Variants in FAM133A observed in about 807,000 individuals in gnomAD.
FAM133A encodes protein FAM133A.
For missense variants in FAM133A, 159 were observed against 164.4 expected, an observed-to-expected ratio of 0.97 and a Z score of 0.18; for synonymous variants, 65 against 58.6, an observed-to-expected ratio of 1.11 and a Z score of -0.50.
rs1035275050 is a variant in FAM133A, at chrX:93,685,183, C to T, written c.-193+10431C>T. 4.2e-4 allele frequency among the ~76,000 whole-genome samples: 47 copies of T among 111,221 alleles called. No homozygotes were observed. In the Admixed American group the frequency reaches 4.4e-3, roughly 10 times the overall value. On this transcript the variant is annotated intron_variant, in intron 2 of 3. Coordinates refer to ENST00000683942, the MANE Select transcript of FAM133A (RefSeq NM_001171109.2). ...ACTTCTATTCTTTTTCTTATTGACT[C>T]GTACAGCTGTTTTTAATGGAGAAAA...
At chrX:93,698,336 C>T (rs1926450337) in intron 2 of FAM133A, 61 bp from the exon 3 acceptor site, 1 of 111,765 alleles carries the variant, frequency 8.9e-6, no homozygotes, top group Admixed American at 9.5e-5. Context: ...AAACTTACTG[C>T]CATGTTAGTG....
intron 2 of FAM133A, among the ~76,000 whole-genome samples, chrX:93,680,992 G>A (rs1276175382): frequency 9.0e-6 from 1 of 110,799 alleles, no homozygotes; most frequent in East Asian, 2.8e-4. Flanking sequence ...AGTTTTGAAT[G>A]TACAAACAGC....
At chrX:93,678,215 G>T (rs892105478) in intron 2 of FAM133A, among the ~76,000 whole-genome samples, 12 of 111,489 alleles carry the variant, frequency 1.1e-4, no homozygotes, top group Non-Finnish European at 2.3e-4. Flanking sequence ...AAAAAAATAG[G>T]ATTGTTGTTT....
At chrX:93,699,230 T>C (rs944405929) in intron 3 of FAM133A, among the ~76,000 whole-genome samples, 2 of 111,172 alleles carry the variant, frequency 1.8e-5, no homozygotes, top group Admixed American at 9.6e-5. Flanking sequence ...CCATGTACCT[T>C]AGGGATTCTT....
rs1927477015 is a variant in FAM133A, at chrX:93,712,047, A to G, written c.*1881A>G. ...AGCAGAGGGATTGTAAACAGAAGTG[A>G]TTTTCTATTTCCATGTTGGACTGTA... On this transcript the variant is annotated 3_prime_UTR_variant, in exon 4 of 4. Coordinates refer to ENST00000683942, the MANE Select transcript of FAM133A (RefSeq NM_001171109.2). 8.1e-6 allele frequency: 1 copy of G among 122,881 alleles called. No homozygotes were observed. The highest frequency in any genetic ancestry group is 1.9e-5 in the Non-Finnish European group (1 of 53,180). 10.1% of individuals were successfully genotyped at this position (122,881 alleles called of 1,213,427 possible).
At chrX:93,702,849 A>C (rs1409151072) in intron 3 of FAM133A, among the ~76,000 whole-genome samples, 2 of 97,986 alleles carry the variant, frequency 2.0e-5, no homozygotes, top group Non-Finnish European at 2.0e-5. Context: ...AAAAAAAAAA[A>C]AAAAAAAAAA....
chrX:93,699,102 T>C (rs778500517), intron 3 of FAM133A, among the ~76,000 whole-genome samples: 96 of 111,234 alleles, frequency 8.6e-4, no homozygotes, highest in Non-Finnish European at 3.8e-4. Context: ...GCTACTGAGC[T>C]TGAAGTACAG....
rs770090049 is a variant in FAM133A, at chrX:93,694,514, CA to C, written c.-192-3882del. Among the ~76,000 whole-genome samples, 54 of 111,324 alleles carry C rather than the reference CA, an allele frequency of 4.9e-4. No homozygotes were observed. In the Admixed American group the frequency reaches 5.2e-3, roughly 11 times the overall value. On this transcript the variant is annotated intron_variant, in intron 2 of 3. Transcript: ENST00000683942. Reference sequence around the variant, plus strand: ...GTAGATAATTCAATTTGGAAACACCCAGAGTTTTGGTTGAGTCTGAAGGAGA... The same window carrying C: ...GTAGATAATTCAATTTGGAAACACCCGAGTTTTGGTTGAGTCTGAAGGAGA...
At chrX:93,690,850 T>C (rs985087935) in intron 2 of FAM133A, among the ~76,000 whole-genome samples, 1 of 111,802 alleles carries the variant, frequency 8.9e-6, no homozygotes, top group African/African-American at 3.2e-5. Context: ...GCAAATGCAC[T>C]GTGGGCCACT....
chrX:93,699,343 A>C (rs746784594), intron 3 of FAM133A, among the ~76,000 whole-genome samples: 65 of 111,528 alleles, frequency 5.8e-4, no homozygotes, highest in African/African-American at 1.9e-3. Context: ...CATTACCACT[A>C]TTCATACTGC....
At chrX:93,708,013 T>C (rs760737338) in intron 3 of FAM133A, among the ~76,000 whole-genome samples, 1 of 111,642 alleles carries the variant, frequency 9.0e-6, no homozygotes, top group Non-Finnish European at 1.9e-5. Context: ...AAATAAACGA[T>C]GAACTATCAT....
At chrX:93,684,944 A>G (rs1040960955) in intron 2 of FAM133A, among the ~76,000 whole-genome samples, 2 of 111,775 alleles carry the variant, frequency 1.8e-5, no homozygotes, top group Non-Finnish European at 3.8e-5. Flanking sequence ...GTATTATCAT[A>G]TATGGGTGCC....
chrX:93,695,634 CTTTT>C (rs759503397), intron 2 of FAM133A, among the ~76,000 whole-genome samples: 14 of 48,371 alleles, frequency 2.9e-4, no homozygotes, highest in African/African-American at 1.0e-3. Context: ...CAGGAATCTG[CTTTT>C]TTTTTTTTTT....
intron 2 of FAM133A, among the ~76,000 whole-genome samples, chrX:93,683,081 G>A (rs900122940): frequency 7.2e-5 from 8 of 111,752 alleles, no homozygotes; most frequent in Non-Finnish European, 1.1e-4. Context: ...TAAAGAATTG[G>A]TGTTTTACCA....
intron 2 of FAM133A, among the ~76,000 whole-genome samples, chrX:93,677,173 T>C (rs1001201035): frequency 9.1e-6 from 1 of 110,202 alleles, no homozygotes; most frequent in African/African-American, 3.3e-5. Flanking sequence ...GGGCTAAATG[T>C]TCATGCTTCT....
rs1927347229 is a variant in FAM133A, at chrX:93,710,144, G to A, written c.725G>A (p.Gly242Glu). The A allele has an allele frequency of 2.0e-5, 23 of 1,177,174 alleles. No homozygotes were observed. The highest frequency in any genetic ancestry group is 2.7e-5 in the Admixed American group (1 of 37,525). Residue 242 changes from glycine (G) to glutamate (E), a missense_variant, in exon 4 of 4, where the codon GGA becomes GAA. Transcript: ENST00000683942. ...AGTAAGAAGAAGAAAAAGAAGTCTG[G>A]ATCAAGTCACAAGTCAAGGTAACAT... ...KHSKKKKKKS[G>E]SSHKSR is the part of the protein sequence containing the mutation.
chrX:93,686,808 A>T (rs1214640885), intron 2 of FAM133A, among the ~76,000 whole-genome samples: 1 of 112,674 alleles, frequency 8.9e-6, no homozygotes, highest in Non-Finnish European at 1.9e-5. Context: ...AATGTACAAA[A>T]GATGCCCACT....
At chrX:93,703,142 T>C (rs1360430308) in intron 3 of FAM133A, among the ~76,000 whole-genome samples, 2 of 111,664 alleles carry the variant, frequency 1.8e-5, no homozygotes, top group Non-Finnish European at 3.8e-5. Flanking sequence ...TGAGCCGAAA[T>C]GATGCCACTG....
chrX:93,694,170 T>C (rs904292852), intron 2 of FAM133A, among the ~76,000 whole-genome samples: 26 of 111,293 alleles, frequency 2.3e-4, no homozygotes, highest in African/African-American at 8.5e-4. Flanking sequence ...TGAGCATCTT[T>C]TGAGAAAGAT....
Sources: gnomAD v4.1 joint callset for allele counts (sites outside exome capture counted in the v4.1 genomes callset) on GRCh38, gnomAD v4.1.1 for gene constraint, MANE v1.5 for transcripts, NCBI Gene and HGNC (gene_info 2026-07-23, HGNC 2026-07-21) for gene names.